Variants in LRP2 observed in about 807,000 individuals in gnomAD.
The protein encoded by LRP2 is LDL receptor related protein 2, also known as low-density lipoprotein receptor-related protein 2.
A neutral mutation model predicts 531.0 loss-of-function variants in LRP2; 172 were observed. The observed-to-expected ratio is 0.32, with a 90% CI of 0.29 to 0.37. The LOEUF (loss-of-function observed/expected upper bound fraction) is 0.37, where lower values mean the gene tolerates loss of function less well. Among genes scored for constraint, LRP2 ranks in the 10% least tolerant of loss-of-function variants. The pLI, the probability that LRP2 is intolerant of heterozygous loss-of-function variation, is 1.00. For synonymous variants in LRP2, 1,992 were observed against 2,027.6 expected (o/e 0.98, Z 0.47); for missense variants, 5,167 against 5,868.3 (o/e 0.88, Z 3.90).
chr2:169,212,986 A>G (rs1236182921), intron 36 of LRP2, among the ~76,000 whole-genome samples: 4 of 132,342 alleles, frequency 3.0e-5, no homozygotes, highest in African/African-American at 1.6e-4. Flanking sequence ...TGTTTCTTTC[A>G]CATGCAGTTA....
At chr2:169,318,939 G>A in intron 2 of LRP2, 55 bp from the exon 3 acceptor site, 1 of 1,605,714 alleles carries the variant, frequency 6.2e-7, no homozygotes, top group Middle Eastern at 1.7e-4. Flanking sequence ...CATTATACTA[G>A]CAAGCAATGC....
chr2:169,280,324 A>T (rs1321586629), intron 11 of LRP2, 26 bp downstream of exon 11: 1 of 1,613,696 alleles, frequency 6.2e-7, no homozygotes, highest in East Asian at 2.2e-5. Flanking sequence ...TCAGGGTTCC[A>T]TTCAGCTACT....
chr2:169,160,765 G>A (rs922531344), intron 63 of LRP2, among the ~76,000 whole-genome samples: 14 of 150,876 alleles, frequency 9.3e-5, no homozygotes, highest in African/African-American at 3.4e-4. Flanking sequence ...ATCAGTCTCT[G>A]GGAGTCAGAA....
chr2:169,329,716 G>A (rs960775884), intron 1 of LRP2, among the ~76,000 whole-genome samples: 5 of 152,202 alleles, frequency 3.3e-5, no homozygotes, highest in African/African-American at 1.2e-4. Flanking sequence ...GCAGGCAAGA[G>A]GCTGCTAGCA....
intron 14 of LRP2, among the ~76,000 whole-genome samples, chr2:169,274,073 T>A (rs1450092358): frequency 6.6e-6 from 1 of 152,218 alleles, no homozygotes; most frequent in African/African-American, 2.4e-5. Context: ...CTCATTACTT[T>A]GCAGTCTTTC....
At chr2:169,283,022 A>T in intron 9 of LRP2, 21 bp from the exon 10 acceptor site, 1 of 1,613,496 alleles carries the variant, frequency 6.2e-7, no homozygotes, top group Non-Finnish European at 8.5e-7. Flanking sequence ...GAAAATACAC[A>T]TTTGTAGTCA....
intron 51 of LRP2, among the ~76,000 whole-genome samples, chr2:169,181,958 T>C (rs1687453689): frequency 6.6e-6 from 1 of 152,114 alleles, no homozygotes; most frequent in Non-Finnish European, 1.5e-5. Flanking sequence ...CAAAAGTGTG[T>C]CAGGGAAAAG....
At chr2:169,260,659 C>A (rs1690508731) in intron 16 of LRP2, among the ~76,000 whole-genome samples, 2 of 152,146 alleles carry the variant, frequency 1.3e-5, no homozygotes, top group African/African-American at 4.8e-5. Flanking sequence ...CTTGCTTGGT[C>A]TTTCCCTCAT....
At position 169,287,865 on chromosome 2, in the gene LRP2, T is replaced by A. The variant is rs867374157; in HGVS notation, c.1042+1161A>T. Among the ~76,000 whole-genome samples the A allele has an allele frequency of 3.9e-4, 49 of 125,634 alleles. 1 individual carries two copies. The highest frequency in any genetic ancestry group is 8.0e-3 in the Middle Eastern group (2 of 250). 82.4% of individuals were successfully genotyped at this position (125,634 alleles called of 152,430 possible). On this transcript the variant is annotated intron_variant, in intron 9 of 78. Transcript: ENST00000649046. The stretch of plus-strand genomic sequence containing the variant: ...AATTTTAATATTTTAATATTAAAAT[T>A]TTAATATTTTAATAATATTAAAATA...
chr2:169,293,942 A>G (rs953799449), intron 6 of LRP2, among the ~76,000 whole-genome samples: 11 of 152,254 alleles, frequency 7.2e-5, no homozygotes, highest in African/African-American at 2.4e-4. Context: ...CTTGGAAAAT[A>G]AAGGAGCCCA....
intron 48 of LRP2, among the ~76,000 whole-genome samples, chr2:169,190,610 C>T (rs1177098066): frequency 1.3e-5 from 2 of 152,186 alleles, no homozygotes; most frequent in Non-Finnish European, 2.9e-5. Flanking sequence ...ATATCTTTCC[C>T]ACTGTCTTCC....
chr2:169,264,693 C>A (rs934240526), intron 16 of LRP2, among the ~76,000 whole-genome samples: 1 of 151,896 alleles, frequency 6.6e-6, no homozygotes, highest in Non-Finnish European at 1.5e-5. Context: ...AGAGACACAC[C>A]CACATATGCA....
intron 67 of LRP2, 41 bp downstream of exon 67, chr2:169,152,758 G>A: frequency 6.2e-7 from 1 of 1,612,194 alleles, no homozygotes; most frequent in Non-Finnish European, 8.5e-7. Context: ...CTCTAACCAG[G>A]AAAACAGAAC....
intron 16 of LRP2, among the ~76,000 whole-genome samples, chr2:169,261,879 CA>C (rs1215253972): frequency 6.6e-6 from 1 of 151,782 alleles, no homozygotes; most frequent in Non-Finnish European, 1.5e-5. Context: ...AGCAGCACAT[CA>C]AAAAGCTTAT....
intron 1 of LRP2, among the ~76,000 whole-genome samples, chr2:169,328,084 G>T (rs1432528949): frequency 7.4e-6 from 1 of 135,186 alleles, no homozygotes; most frequent in Non-Finnish European, 1.6e-5. Context: ...CCCCCGCCCA[G>T]CCAGCCGCCC....
intron 23 of LRP2, 119 bp downstream of exon 23, chr2:169,243,284 C>G: frequency 8.0e-7 from 1 of 1,251,448 alleles, no homozygotes; most frequent in South Asian, 1.3e-5. Flanking sequence ...CATCCCTTCT[C>G]TAGCTCCCCA....
chr2:169,145,130 G>T (rs1685861522), intron 70 of LRP2, among the ~76,000 whole-genome samples: 1 of 152,190 alleles, frequency 6.6e-6, no homozygotes, highest in Non-Finnish European at 1.5e-5. Flanking sequence ...TAACACTGAA[G>T]AGAGAATTTG....
intron 13 of LRP2, among the ~76,000 whole-genome samples, chr2:169,275,921 T>C (rs1046759788): frequency 5.9e-5 from 9 of 152,012 alleles, no homozygotes; most frequent in African/African-American, 2.2e-4. Context: ...CCCGTGACTA[T>C]GTCTCCATAA....
At chr2:169,325,116 C>A (rs1449972967) in intron 1 of LRP2, among the ~76,000 whole-genome samples, 1 of 150,436 alleles carries the variant, frequency 6.6e-6, no homozygotes, top group East Asian at 1.9e-4. Flanking sequence ...CAGTTTCATT[C>A]TTTTACCCGT....
Sources: gnomAD v4.1 joint callset for allele counts (sites outside exome capture counted in the v4.1 genomes callset) on GRCh38, gnomAD v4.1.1 for gene constraint, MANE v1.5 for transcripts, NCBI Gene and HGNC (gene_info 2026-07-23, HGNC 2026-07-21) for gene names.